NALCN: variants seen among roughly 807,000 people sequenced by gnomAD.
The protein encoded by NALCN is sodium leak channel NALCN.
Under a neutral mutation model 225.3 loss-of-function variants are expected in NALCN, and 111 were observed. The observed-to-expected ratio is 0.49, with a 90% CI of 0.42 to 0.58. NALCN has a LOEUF of 0.58. NALCN is among the 20% of genes least tolerant of loss of function. NALCN has a pLI of 0.00. For missense variants in NALCN, 1,378 were observed against 2,202.4 expected (o/e 0.63, Z 7.49); for synonymous variants, 764 against 769.0 (o/e 0.99, Z 0.11).
chr13:101,127,152 A>G (rs2139710882), intron 17 of NALCN, among the ~76,000 whole-genome samples: 1 of 152,342 alleles, frequency 6.6e-6, no homozygotes, highest in Admixed American at 6.5e-5. Context: ...AATATCTGGT[A>G]CACTATTGCC....
intron 15 of NALCN, among the ~76,000 whole-genome samples, chr13:101,150,273 T>G (rs1342843382): frequency 6.6e-6 from 1 of 152,100 alleles, no homozygotes; most frequent in Non-Finnish European, 1.5e-5. Flanking sequence ...GGAGGGAGTA[T>G]GGAAAGGAGC....
At chr13:101,210,555 C>T (rs1404199930) in intron 13 of NALCN, among the ~76,000 whole-genome samples, 1 of 151,914 alleles carries the variant, frequency 6.6e-6, no homozygotes, top group East Asian at 1.9e-4. Flanking sequence ...TCTGGAAAGT[C>T]GCAAAAGACT....
At chr13:101,134,768 C>T (rs2036688952) in intron 17 of NALCN, among the ~76,000 whole-genome samples, 1 of 152,066 alleles carries the variant, frequency 6.6e-6, no homozygotes, top group Non-Finnish European at 1.5e-5. Flanking sequence ...ACACAGTAGC[C>T]TGGGGTCACT....
At chr13:101,178,082 A>G (rs1426650555) in intron 14 of NALCN, among the ~76,000 whole-genome samples, 5 of 152,184 alleles carry the variant, frequency 3.3e-5, no homozygotes, top group African/African-American at 7.2e-5. Flanking sequence ...TGAACCAGAC[A>G]TCATTCCAAA....
At chr13:101,161,049 T>C (rs980608230) in intron 15 of NALCN, among the ~76,000 whole-genome samples, 14 of 152,184 alleles carry the variant, frequency 9.2e-5, no homozygotes, top group African/African-American at 2.7e-4. Context: ...TCCCACCCTA[T>C]ACAATCTCAT....
At chr13:101,231,998 T>C (rs2041365910) in intron 12 of NALCN, among the ~76,000 whole-genome samples, 1 of 78,392 alleles carries the variant, frequency 1.3e-5, no homozygotes, top group South Asian at 3.7e-4. Context: ...GTTCTATTTC[T>C]TTTTTTTTTT....
chr13:101,234,519 T>C (rs770314945), intron 12 of NALCN, among the ~76,000 whole-genome samples: 2 of 152,196 alleles, frequency 1.3e-5, no homozygotes, highest in Non-Finnish European at 2.9e-5. Flanking sequence ...GGAAGACCAA[T>C]GTAGGCCTTT....
intron 14 of NALCN, among the ~76,000 whole-genome samples, chr13:101,186,997 C>T (rs2039475263): frequency 6.6e-6 from 1 of 152,112 alleles, no homozygotes; most frequent in African/African-American, 2.4e-5. Context: ...TTTGATCATT[C>T]CACAATGTAT....
At chr13:101,381,205 G>C (rs886261125) in intron 3 of NALCN, among the ~76,000 whole-genome samples, 2 of 152,050 alleles carry the variant, frequency 1.3e-5, no homozygotes, top group African/African-American at 4.8e-5. Flanking sequence ...TTATTAAATT[G>C]TGTGATTATC....
chr13:101,058,096 C>T (rs766258047), intron 42 of NALCN, 40 bp from the exon 43 acceptor site: 9 of 1,541,976 alleles, frequency 5.8e-6, no homozygotes, highest in Non-Finnish European at 6.2e-6. Flanking sequence ...GTCTTTTTAA[C>T]CCTGCGCTCT....
intron 2 of NALCN, among the ~76,000 whole-genome samples, chr13:101,397,066 T>TTATA (rs368771604): frequency 0.018 from 982 of 55,894 alleles, 15 homozygotes; most frequent in Middle Eastern, 0.041. Flanking sequence ...TATGAATGTA[T>TTATA]TATATATATA....
chr13:101,304,376 G>A (rs1441490665), intron 7 of NALCN, among the ~76,000 whole-genome samples: 1 of 151,902 alleles, frequency 6.6e-6, no homozygotes, highest in African/African-American at 2.4e-5. Flanking sequence ...CCATCATCTA[G>A]GTTTTAAGCC....
intron 13 of NALCN, among the ~76,000 whole-genome samples, chr13:101,204,085 T>C (rs957550519): frequency 1.3e-5 from 2 of 152,238 alleles, no homozygotes; most frequent in Non-Finnish European, 2.9e-5. Flanking sequence ...AGTTTAATTA[T>C]GAGTGACTTT....
intron 7 of NALCN, among the ~76,000 whole-genome samples, chr13:101,339,262 AC>A (rs2045481620): frequency 6.6e-6 from 1 of 152,180 alleles, no homozygotes; most frequent in African/African-American, 2.4e-5. Flanking sequence ...CCACCTTGCC[AC>A]CCATACTGCA....
At chr13:101,223,339 T>A (rs568164037) in intron 13 of NALCN, among the ~76,000 whole-genome samples, 7 of 152,318 alleles carry the variant, frequency 4.6e-5, no homozygotes, top group African/African-American at 1.7e-4. Context: ...CAGGACAGGA[T>A]TGGCAAATTG....
intron 26 of NALCN, 93 bp downstream of exon 26, chr13:101,103,079 A>G: frequency 6.9e-7 from 1 of 1,443,068 alleles, no homozygotes; most frequent in Non-Finnish European, 9.4e-7. Flanking sequence ...AAACTATTGA[A>G]TTGACCTCAA....
rs2031087579 is a variant in NALCN at position 101,055,383 on chromosome 13, G to T, written c.5129C>A (p.Ala1710Asp). 2 of 1,614,026 alleles carry T rather than the reference G, an allele frequency of 1.2e-6. No homozygotes were observed. The highest frequency in any genetic ancestry group is 1.7e-5 in the Admixed American group (1 of 59,996). ...VCKMNPMTDA[A>D]SCGSEVKKWW... ...CTTCTTAACTTCAGAACCGCAGGAA[G>T]CCGCGTCAGTCATGGGGTTCATTTT... Residue 1710 changes from alanine (A) to aspartate (D), a missense_variant, in exon 44 of 44, where the codon GCT becomes GAT. By Grantham distance (126) the Ala-to-Asp change is moderately radical (BLOSUM62 -2). Around this residue, in one of 19 missense-constraint regions of NALCN, gnomAD observed 145 missense variants for 169.6 expected, o/e 0.85. Coordinates refer to ENST00000251127, the MANE Select transcript of NALCN (RefSeq NM_052867.4).
chr13:101,412,728 G>A (rs1478704520), intron 1 of NALCN, among the ~76,000 whole-genome samples: 1 of 152,138 alleles, frequency 6.6e-6, no homozygotes, highest in Non-Finnish European at 1.5e-5. Flanking sequence ...TACCAGAAAA[G>A]CCTTGGATTC....
At chr13:101,067,854 G>C (rs2032547963) in intron 39 of NALCN, 64 bp downstream of exon 39, 4 of 1,099,536 alleles carry the variant, frequency 3.6e-6, no homozygotes, top group Non-Finnish European at 5.5e-6. Flanking sequence ...AACCATTTAA[G>C]TGTTTGAGAC....
Sources: gnomAD v4.1 joint callset for allele counts (sites outside exome capture counted in the v4.1 genomes callset) on GRCh38, gnomAD v4.1.1 for gene constraint, gnomAD v4.1.1 regional missense constraint, MANE v1.5 for transcripts, NCBI Gene and HGNC (gene_info 2026-07-23, HGNC 2026-07-21) for gene names.